The following VWA5B1 variants were observed in gnomAD, a reference collection of about 807,000 sequenced individuals.
VWA5B1 encodes von Willebrand factor A domain containing 5B1, also known as von Willebrand factor A domain-containing protein 5B1.
Under a neutral mutation model 118.2 loss-of-function variants are expected in VWA5B1, and 115 were observed. The ratio of observed to expected loss-of-function variants is 0.97; its 90% confidence interval spans 0.84 to 1.14. The LOEUF (loss-of-function observed/expected upper bound fraction) is 1.14, where lower values mean the gene tolerates loss of function less well. VWA5B1 is among the 50% of genes most tolerant of loss of function. The pLI, the probability that VWA5B1 is intolerant of heterozygous loss-of-function variation, is 0.00. For missense variants in VWA5B1, 1,596 were observed against 1,603.8 expected (o/e 1.00, Z 0.08); for synonymous variants, 682 against 658.4 (o/e 1.04, Z -0.55).
chr1:20,316,999 C>CA (rs11445689), intron 4 of VWA5B1, among the ~76,000 whole-genome samples: 38,239 of 150,834 alleles, frequency 0.25, 5,105 homozygotes, highest in East Asian at 0.38. Context: ...CTAGTAAAAA[C>CA]AAAAAAATGA....
chr1:20,335,473 CT>C (rs1362642303), intron 12 of VWA5B1, among the ~76,000 whole-genome samples: 14 of 152,060 alleles, frequency 9.2e-5, no homozygotes, highest in African/African-American at 3.4e-4. Flanking sequence ...AGAGGTGACC[CT>C]TGAACAATGT....
At chr1:20,331,046 C>T (rs2089539174) in intron 11 of VWA5B1, 63 bp downstream of exon 11, 1 of 1,364,996 alleles carries the variant, frequency 7.3e-7, no homozygotes, top group African/African-American at 1.5e-5. Flanking sequence ...AGACCAGTCA[C>T]ATGGCAACTC....
intron 2 of VWA5B1, 55 bp from the exon 3 acceptor site, chr1:20,312,781 G>A (rs1249476252): frequency 6.7e-7 from 1 of 1,489,724 alleles, no homozygotes; most frequent in East Asian, 2.5e-5. Context: ...TTCCAGGCAA[G>A]GGGTGTGCAG....
At position 20,318,677 on chromosome 1, in the gene VWA5B1, A is replaced by G. The variant is rs558285543; in HGVS notation, c.797A>G (p.Lys266Arg). Residue 266 changes from lysine (K) to arginine (R), a missense_variant, in exon 6 of 22, where the codon AAG (lysine) becomes AGG (arginine). Physicochemically the swap from Lys to Arg is conservative, Grantham distance 26. Coordinates refer to ENST00000289815, the MANE Select transcript of VWA5B1 (RefSeq NM_001039500.3). Reference protein sequence around the residue: ...AKSIIITLANKHTFDRPVEIL... With the variant: ...AKSIIITLANRHTFDRPVEIL... Reference sequence around the variant, plus strand: ...AGCATCATCATCACCTTGGCCAACAAGCACACCTTTGACCGGCCTGTGGAG... The same window carrying G: ...AGCATCATCATCACCTTGGCCAACAGGCACACCTTTGACCGGCCTGTGGAG... 93 of 1,545,450 alleles carry G rather than the reference A, an allele frequency of 6.0e-5. No individual in the cohort carries two copies. The highest frequency in any genetic ancestry group is 3.0e-4 in the Admixed American group (15 of 50,690).
chr1:20,325,105 A>C (rs1156741618), intron 8 of VWA5B1, among the ~76,000 whole-genome samples: 1 of 152,240 alleles, frequency 6.6e-6, no homozygotes, highest in African/African-American at 2.4e-5. Context: ...CTGAGTCGCC[A>C]AGAGGCTAAG....
intron 1 of VWA5B1, among the ~76,000 whole-genome samples, chr1:20,304,184 C>G (rs1049259845): frequency 1.3e-5 from 2 of 152,182 alleles, no homozygotes; most frequent in African/African-American, 4.8e-5. Flanking sequence ...TGAGTGGTTA[C>G]AGTGCCGCAG....
intron 12 of VWA5B1, 24 bp from the exon 13 acceptor site, chr1:20,336,279 C>T (rs768656996): frequency 7.3e-7 from 1 of 1,367,460 alleles, no homozygotes; most frequent in Admixed American, 2.9e-5. Context: ...CACTCCTAGC[C>T]CTCTTTTCTG....
At chr1:20,314,154 G>A (rs1294224509) in intron 3 of VWA5B1, among the ~76,000 whole-genome samples, 168 bp from the exon 4 acceptor site, 1 of 152,090 alleles carries the variant, frequency 6.6e-6, no homozygotes, top group Non-Finnish European at 1.5e-5. Flanking sequence ...CAGACGCATG[G>A]GGGTTCAGAT....
At chr1:20,291,359 T>TTCTTTCTC (rs1381113890) in intron 1 of VWA5B1, among the ~76,000 whole-genome samples, 83 of 103,404 alleles carry the variant, frequency 8.0e-4, no homozygotes, top group Middle Eastern at 4.9e-3. Flanking sequence ...CTTTCTTTCT[T>TTCTTTCTC]TCTCTCTCTC....
At chr1:20,302,896 C>T (rs1033376957) in intron 1 of VWA5B1, among the ~76,000 whole-genome samples, 1 of 152,178 alleles carries the variant, frequency 6.6e-6, no homozygotes, top group African/African-American at 2.4e-5. Context: ...GAGGTCTTGA[C>T]TGGCTGGAGC....
rs1391515616 is a variant in VWA5B1, at chr1:20,353,889, T to G, written c.3274T>G (p.Ser1092Ala). ...CHRVSLTTRP[S>A]ESKTPSPQLC... ...TCGAGTGTCCCTCACCACCCGCCCG[T>G]CTGAGTCCAAGACCCCGAGTCCCCA... The change falls in exon 22 of 22, where the codon TCT (serine) becomes GCT (alanine). Residue 1092 changes from serine to alanine, a missense_variant. Physicochemically the swap from Ser to Ala is moderately conservative, Grantham distance 99. Coordinates refer to ENST00000289815, the MANE Select transcript of VWA5B1 (RefSeq NM_001039500.3). 1 of 1,547,414 alleles carries G rather than the reference T, an allele frequency of 6.5e-7. No homozygotes were observed.
In VWA5B1 at chr1:20,353,908, G is replaced by A. The variant is rs142298749; in HGVS notation, c.3293G>A (p.Ser1098Asn). The A allele has an allele frequency of 4.8e-5, 75 of 1,548,828 alleles. No homozygotes were observed. In the African/African-American group the frequency reaches 8.5e-4, roughly 18 times the overall value. ...TTRPSESKTP[S>N]PQLCTSSPPR... Reference sequence around the variant, plus strand: ...CGCCCGTCTGAGTCCAAGACCCCGAGTCCCCAGCTGTGCACCAGCTCCCCG... The same window carrying A: ...CGCCCGTCTGAGTCCAAGACCCCGAATCCCCAGCTGTGCACCAGCTCCCCG... Residue 1098 changes from serine (S) to asparagine (N), a missense_variant, in exon 22 of 22, where the codon AGT becomes AAT. Coordinates refer to ENST00000289815, the MANE Select transcript of VWA5B1 (RefSeq NM_001039500.3).
Position 20,357,270 on chromosome 1 carries a change from T to C in VWA5B1, c.*3007T>C, listed in dbSNP as rs1295931450. Among the ~76,000 whole-genome samples, 2 of 152,216 alleles carry C rather than the reference T, an allele frequency of 1.3e-5. No individual in the cohort carries two copies. The highest frequency in any genetic ancestry group is 4.8e-5 in the African/African-American group (2 of 41,448). ...TTACTTGCTTTCTCTGAACCCCTGT[T>C]TCATCTTTTGTGGAATGACGGGGGT... On this transcript the variant is annotated 3_prime_UTR_variant, in exon 22 of 22. Coordinates refer to ENST00000289815, the MANE Select transcript of VWA5B1 (RefSeq NM_001039500.3).
Position 20,354,001 on chromosome 1 carries a change from C to T in VWA5B1, c.3386C>T (p.Pro1129Leu), listed in dbSNP as rs375527050. 1.6e-4 allele frequency: 255 copies of T among 1,551,574 alleles called. No individual in the cohort carries two copies. Among genetic ancestry groups the T allele is most frequent in the Non-Finnish European group, 2.0e-4 (224 of 1,147,012 alleles). ...GCCAAGGGCAAGCTGGGCCTGGAGC[C>T]GAGGGCAGTGGTGGAGCACACTGGG... ...PLAKGKLGLE[P>L]RAVVEHTGKL... Residue 1129 changes from proline (P) to leucine (L), a missense_variant, in exon 22 of 22, where the codon CCG becomes CTG. Physicochemically the swap from Pro to Leu is moderately conservative, Grantham distance 98. Coordinates refer to ENST00000289815, the MANE Select transcript of VWA5B1 (RefSeq NM_001039500.3).
intron 1 of VWA5B1, among the ~76,000 whole-genome samples, chr1:20,307,916 G>C (rs529977250): frequency 1.3e-5 from 2 of 151,744 alleles, no homozygotes; most frequent in Admixed American, 6.6e-5. Flanking sequence ...TACATATACA[G>C]GTTTGTTACA....
At chr1:20,320,239 G>A (rs2100876887) in intron 7 of VWA5B1, among the ~76,000 whole-genome samples, 1 of 152,368 alleles carries the variant, frequency 6.6e-6, no homozygotes, top group African/African-American at 2.4e-5. Context: ...TGGAGGAAGG[G>A]AAAGACTGTG....
chr1:20,322,934 T>TGAGCCAGA (rs774279216), intron 7 of VWA5B1, among the ~76,000 whole-genome samples: 2 of 152,180 alleles, frequency 1.3e-5, no homozygotes, highest in Non-Finnish European at 2.9e-5. Flanking sequence ...ACAGCCAACA[T>TGAGCCAGA]GAGCCAGAGA....
At chr1:20,299,526 C>T (rs932190761) in intron 1 of VWA5B1, among the ~76,000 whole-genome samples, 1 of 152,222 alleles carries the variant, frequency 6.6e-6, no homozygotes, top group African/African-American at 2.4e-5. Flanking sequence ...GCCTTAGCCT[C>T]CCAAGTAGCT....
intron 1 of VWA5B1, among the ~76,000 whole-genome samples, chr1:20,304,432 G>A (rs572114730): frequency 3.9e-5 from 6 of 152,294 alleles, no homozygotes; most frequent in African/African-American, 1.2e-4. Flanking sequence ...GAACGTGGAG[G>A]GCGGTGGCAC....
Sources: allele counts gnomAD v4.1 joint callset (sites outside exome capture counted in the v4.1 genomes callset), GRCh38; gene constraint gnomAD v4.1.1; transcripts MANE v1.5; gene names NCBI Gene and HGNC (gene_info 2026-07-23, HGNC 2026-07-21).